The following NECTIN3 variants were observed in gnomAD, a reference collection of about 807,000 sequenced individuals.
NECTIN3 encodes nectin cell adhesion molecule 3, also known as nectin-3.
In NECTIN3, 8 loss-of-function variants were observed where a neutral mutation model predicts 49.4. The observed-to-expected ratio is 0.16, with a 90% confidence interval of 0.10 to 0.29. The LOEUF is 0.29. NECTIN3 is among the 10% of genes least tolerant of loss of function. The pLI is 1.00. For synonymous variants in NECTIN3, 277 were observed against 241.1 expected (o/e 1.15, Z -1.38); for missense variants, 581 against 654.6 (o/e 0.89, Z 1.23).
At chr3:111,086,971 T>C (rs963548012) in intron 1 of NECTIN3, among the ~76,000 whole-genome samples, 1 of 152,112 alleles carries the variant, frequency 6.6e-6, no homozygotes, top group Admixed American at 6.5e-5. Context: ...TAATTTTAAT[T>C]ATAGATTTAT....
chr3:111,118,552 T>C, intron 2 of NECTIN3, 104 bp from the exon 3 acceptor site: 1 of 1,027,136 alleles, frequency 9.7e-7, no homozygotes, highest in East Asian at 2.7e-5. Context: ...GATTTTTATA[T>C]GCAGTTGTCC....
intron 5 of NECTIN3, among the ~76,000 whole-genome samples, chr3:111,129,790 AG>A (rs1377721181): frequency 6.6e-6 from 1 of 151,342 alleles, no homozygotes; most frequent in Non-Finnish European, 1.5e-5. Context: ...CTGAGACTAC[AG>A]GCACACGCTG....
At chr3:111,171,333 C>G (rs776689904) in intron 7 of NECTIN3, among the ~76,000 whole-genome samples, 3 of 152,146 alleles carry the variant, frequency 2.0e-5, no homozygotes, top group Non-Finnish European at 4.4e-5. Context: ...ATGAGTGAAC[C>G]CTTGGGGGAA....
Position 111,071,903 on chromosome 3 carries a change from T to A in NECTIN3, c.-115T>A. 2 of 637,150 alleles carry A rather than the reference T, an allele frequency of 3.1e-6. No homozygotes were observed. The highest frequency in any genetic ancestry group is 4.6e-6 in the Non-Finnish European group (2 of 438,548). 39.5% of individuals were successfully genotyped at this position (637,150 alleles called of 1,614,324 possible). Reference sequence around the variant, plus strand: ...CAGCCGGCAGCGACGGCGCTAGAGCTGGGAGCTGGGGACGCGCGCGCCGGA... The same window carrying A: ...CAGCCGGCAGCGACGGCGCTAGAGCAGGGAGCTGGGGACGCGCGCGCCGGA... On this transcript the variant is annotated 5_prime_UTR_variant, in exon 1 of 6. Transcript: ENST00000485303.
At chr3:111,142,270 A>C (rs1403351156), downstream of NECTIN3, among the ~76,000 whole-genome samples, 1 of 151,874 alleles carries the variant, frequency 6.6e-6, no homozygotes, top group Non-Finnish European at 1.5e-5. Flanking sequence ...CATTTGACCT[A>C]CATAAAGTAG....
chr3:111,082,894 T>TC (rs1289197173), intron 1 of NECTIN3, among the ~76,000 whole-genome samples: 1 of 152,202 alleles, frequency 6.6e-6, no homozygotes, highest in Non-Finnish European at 1.5e-5. Context: ...TCATCAGGCA[T>TC]TAGATTCTTG....
chr3:111,186,951 CA>C (rs1441858350), intron 7 of NECTIN3, among the ~76,000 whole-genome samples: 1 of 152,056 alleles, frequency 6.6e-6, no homozygotes, highest in African/African-American at 2.4e-5. Flanking sequence ...TATTAGTCAC[CA>C]AACATATGTA....
intron 7 of NECTIN3, among the ~76,000 whole-genome samples, chr3:111,177,415 T>G (rs937765798): frequency 6.6e-6 from 1 of 152,218 alleles, no homozygotes; most frequent in African/African-American, 2.4e-5. Context: ...ATTTTGGTTC[T>G]TATTTTAGCA....
chr3:111,160,610 A>G (rs1296610108), intron 7 of NECTIN3, among the ~76,000 whole-genome samples: 1 of 152,158 alleles, frequency 6.6e-6, no homozygotes, highest in Admixed American at 6.5e-5. Context: ...TTCACACTGT[A>G]TAGATTTTTT....
intron 4 of NECTIN3, among the ~76,000 whole-genome samples, chr3:111,124,520 GAA>G (rs1222861608): frequency 2.0e-5 from 3 of 152,156 alleles, no homozygotes; most frequent in African/African-American, 7.2e-5. Context: ...TATCCTTGTA[GAA>G]AGTTTATCTT....
intron 7 of NECTIN3, among the ~76,000 whole-genome samples, chr3:111,150,133 C>T (rs965876830): frequency 6.6e-6 from 1 of 151,924 alleles, no homozygotes; most frequent in Non-Finnish European, 1.5e-5. Context: ...TCTTAGAAAT[C>T]ATGATCAGGA....
In NECTIN3 at chr3:111,176,472, A is replaced by G. The variant is rs990798461; in HGVS notation, c.1222-15879A>G. Among the ~76,000 whole-genome samples, 9 of 152,290 alleles carry G rather than the reference A, an allele frequency of 5.9e-5. No individual in the cohort carries two copies. The East Asian group carries it at 1.7e-3, about 29-fold the overall frequency. On this transcript the variant is annotated intron_variant, in intron 7 of 8. Transcript: ENST00000493615. ...AAACTTTAGTGTCTTTGTGGGGGGA[A>G]ATGCCAAATTGAGACTACAGTTACT... is the stretch of plus-strand genomic sequence containing the variant.
At chr3:111,072,668 C>A (rs2030869225) in intron 1 of NECTIN3, 2 of 1,264,196 alleles carry the variant, frequency 1.6e-6, no homozygotes, top group Non-Finnish European at 2.2e-6. Context: ...TTTTAGCCCA[C>A]CCAGCCGCAG....
Position 111,136,972 on chromosome 3 carries a change from C to G in NECTIN3, c.*2757C>G. ...CCTAGTAGGGTTCTATTTGCTAACT[C>G]TAATATTGAGGAAACTATTAAGGTT... On this transcript the variant is annotated 3_prime_UTR_variant, in exon 6 of 6. Coordinates refer to ENST00000485303, the MANE Select transcript of NECTIN3 (RefSeq NM_015480.3). 1.0e-6 allele frequency: 1 copy of G among 977,276 alleles called. No individual in the cohort carries two copies. Among genetic ancestry groups the G allele is most frequent in the Non-Finnish European group, 1.2e-6 (1 of 822,796 alleles). 60.5% of individuals were successfully genotyped at this position (977,276 alleles called of 1,614,324 possible).
intron 6 of NECTIN3, among the ~76,000 whole-genome samples, chr3:111,146,542 A>G (rs964081241): frequency 3.3e-5 from 5 of 152,126 alleles, no homozygotes; most frequent in Non-Finnish European, 5.9e-5. Flanking sequence ...TAACAAATTA[A>G]TGTAACCATT....
Position 111,071,943 on chromosome 3 carries a change from C to A in NECTIN3, c.-75C>A, listed in dbSNP as rs913231415. ...CGCGCGCCGGACCTTCCACAGCCTC[C>A]GCCCAGAGCCTGAGGCGCCGGGGCC... On this transcript the variant is annotated 5_prime_UTR_variant, in exon 1 of 6. Coordinates refer to ENST00000485303, the MANE Select transcript of NECTIN3 (RefSeq NM_015480.3). 8.9e-6 allele frequency: 10 copies of A among 1,118,510 alleles called. No individual in the cohort carries two copies. The highest frequency in any genetic ancestry group is 1.1e-5 in the Non-Finnish European group (9 of 849,396). 69.3% of individuals were successfully genotyped at this position (1,118,510 alleles called of 1,614,324 possible).
chr3:111,095,181 A>C (rs2032512454), intron 1 of NECTIN3, among the ~76,000 whole-genome samples: 1 of 152,210 alleles, frequency 6.6e-6, no homozygotes, highest in Non-Finnish European at 1.5e-5. Context: ...ACTAGGAATA[A>C]TAACCAAGTT....
At chr3:111,192,393 G>A in exon 1 of NECTIN3, 1 of 1,535,940 alleles carries the variant, frequency 6.5e-7, no homozygotes. Context: ...AGAAAGAGAA[G>A]TTGGCAATCT....
chr3:111,191,769 T>C (rs1013372063), upstream of NECTIN3, among the ~76,000 whole-genome samples: 2 of 152,188 alleles, frequency 1.3e-5, no homozygotes, highest in Non-Finnish European at 2.9e-5. Context: ...TGTGGTGAGC[T>C]CACCCTCATG....
Sources: allele counts gnomAD v4.1 joint callset (sites outside exome capture counted in the v4.1 genomes callset), GRCh38; gene constraint gnomAD v4.1.1; transcripts MANE v1.5; gene names NCBI Gene and HGNC (gene_info 2026-07-23, HGNC 2026-07-21).